The following RAD51C variants were observed in gnomAD, a reference collection of about 807,000 sequenced individuals.
RAD51C encodes the protein DNA repair protein RAD51 homolog 3.
A neutral mutation model predicts 45.0 loss-of-function variants in RAD51C; 42 were observed. The observed-to-expected ratio is 0.93, with a 90% CI of 0.73 to 1.21. The LOEUF is 1.21. Among genes scored for constraint, RAD51C ranks in the 50% most tolerant of loss-of-function variants. The pLI, the probability that RAD51C is intolerant of heterozygous loss-of-function variation, is 0.00. For synonymous variants in RAD51C, 172 were observed against 159.8 expected (o/e 1.08, Z -0.58); for missense variants, 474 against 452.2 (o/e 1.05, Z -0.44).
At chr17:58,730,476 C>CAAAAAGCAGTCTTAAAGGTTTTTGT in intron 7 of RAD51C, among the ~76,000 whole-genome samples, 1 of 152,156 alleles carries the variant, frequency 6.6e-6, no homozygotes, top group East Asian at 1.9e-4. Context: ...CGCACCCAGC[C>CAAAAAGCAGTCTTAAAGGTTTTTGT]TCAACATAGC....
chr17:58,705,359 G>A (rs1004350180), intron 4 of RAD51C, among the ~76,000 whole-genome samples: 2 of 150,448 alleles, frequency 1.3e-5, no homozygotes, highest in African/African-American at 4.9e-5. Flanking sequence ...GGGGGGTGGA[G>A]TTTCGCTTTT....
chr17:58,711,161 G>A (rs1193245669), intron 5 of RAD51C, among the ~76,000 whole-genome samples: 2 of 152,112 alleles, frequency 1.3e-5, no homozygotes, highest in East Asian at 3.9e-4. Flanking sequence ...CCAGTAGGGG[G>A]CACTCAAGAC....
intron 7 of RAD51C, among the ~76,000 whole-genome samples, chr17:58,729,565 C>CT (rs1487185210): frequency 1.4e-5 from 2 of 147,504 alleles, no homozygotes; most frequent in East Asian, 2.1e-4. Context: ...CTTTAGGATT[C>CT]TTTTTTTGTT....
rs1301191938 is a variant in RAD51C, at chr17:58,726,418, A to G, written c.965+2318A>G. Among the ~76,000 whole-genome samples the G allele has an allele frequency of 5.4e-5, 8 of 149,188 alleles. No individual in the cohort carries two copies. In the East Asian group the frequency reaches 7.8e-4, roughly 15 times the overall value. On this transcript the variant is annotated intron_variant, in intron 7 of 8. Transcript: ENST00000337432. The stretch of plus-strand genomic sequence containing the variant: ...GTATATATGTGTATATATATAGATT[A>G]TATGTATATATGTGTATACGTATAG...
rs1555593777 is a variant in RAD51C, at chr17:58,695,127, A to G, written c.342A>G (p.Gly114=). 6.2e-7 allele frequency: 1 copy of G among 1,614,088 alleles called. No homozygotes were observed. The highest frequency in any genetic ancestry group is 8.5e-7 in the Non-Finnish European group (1 of 1,180,018). The change falls in exon 2 of 9, where the codon GGA becomes GGG. Residue 114 remains glycine (G), a synonymous_variant. Transcript: ENST00000337432. ...CSALDDILGG[G]VPLMKTTEIC... ...CACTAGATGATATTCTTGGGGGTGG[A>G]GTGCCCTTAATGAAAACAACAGAAA...
chr17:58,731,258 GTT>G (rs77247264), intron 7 of RAD51C, among the ~76,000 whole-genome samples: 11 of 135,170 alleles, frequency 8.1e-5, no homozygotes, highest in African/African-American at 2.2e-4. Flanking sequence ...CTTAAAAGCA[GTT>G]TTTTTTTTTT....
At chr17:58,707,827 G>A (rs2143835758) in intron 4 of RAD51C, among the ~76,000 whole-genome samples, 1 of 152,248 alleles carries the variant, frequency 6.6e-6, no homozygotes, top group Admixed American at 6.5e-5. Flanking sequence ...GGTTCTGGCT[G>A]ATTGGTCTCT....
chr17:58,733,743 A>T (rs888982145), intron 8 of RAD51C, among the ~76,000 whole-genome samples: 2 of 152,072 alleles, frequency 1.3e-5, no homozygotes, highest in Non-Finnish European at 2.9e-5. Flanking sequence ...TTTTGAGACG[A>T]AGTCTCACTA....
chr17:58,695,216 G>C, intron 2 of RAD51C, 27 bp downstream of exon 2: 1 of 1,598,466 alleles, frequency 6.3e-7, no homozygotes, highest in Non-Finnish European at 8.5e-7. Context: ...TCCTTTTAAG[G>C]GTGGGTTTAA....
intron 6 of RAD51C, among the ~76,000 whole-genome samples, chr17:58,721,980 A>G (rs1425458564): frequency 5.9e-5 from 9 of 152,110 alleles, no homozygotes; most frequent in African/African-American, 1.7e-4. Context: ...GTCATTTTCT[A>G]TCACCCACTT....
At chr17:58,716,664 A>G (rs1432149934) in intron 5 of RAD51C, among the ~76,000 whole-genome samples, 1 of 150,608 alleles carries the variant, frequency 6.6e-6, no homozygotes, top group Admixed American at 6.7e-5. Flanking sequence ...GGGTTTCACC[A>G]TGTTAGCCAG....
chr17:58,733,062 C>G (rs972704322), intron 8 of RAD51C, among the ~76,000 whole-genome samples: 2 of 152,132 alleles, frequency 1.3e-5, no homozygotes, highest in Non-Finnish European at 2.9e-5. Flanking sequence ...GTCGCCCAGG[C>G]TGGAGTGCAG....
chr17:58,725,998 CAAAAAAA>C (rs1329097091), intron 7 of RAD51C, among the ~76,000 whole-genome samples: 1 of 48,570 alleles, frequency 2.1e-5, no homozygotes, highest in Non-Finnish European at 4.4e-5. Context: ...CCACCCCCTG[CAAAAAAA>C]AAAAAAAAAA....
At chr17:58,728,694 G>A (rs1034280172) in intron 7 of RAD51C, among the ~76,000 whole-genome samples, 2 of 152,056 alleles carry the variant, frequency 1.3e-5, no homozygotes, top group Non-Finnish European at 1.5e-5. Flanking sequence ...CACAGCACCC[G>A]TCCAGAAACT....
intron 3 of RAD51C, among the ~76,000 whole-genome samples, chr17:58,698,832 G>T (rs2048110224): frequency 6.7e-6 from 1 of 149,914 alleles, no homozygotes; most frequent in Non-Finnish European, 1.5e-5. Flanking sequence ...TGAGGCAGGA[G>T]AATCGCTTGA....
intron 5 of RAD51C, among the ~76,000 whole-genome samples, chr17:58,715,931 T>C (rs900094964): frequency 6.6e-6 from 1 of 151,958 alleles, no homozygotes; most frequent in African/African-American, 2.4e-5. Flanking sequence ...ATGGTGAAAC[T>C]CTGTCTTTAC....
At chr17:58,713,023 G>A (rs904695254) in intron 5 of RAD51C, among the ~76,000 whole-genome samples, 2 of 151,940 alleles carry the variant, frequency 1.3e-5, no homozygotes, top group African/African-American at 2.4e-5. Context: ...CTACTTAAGC[G>A]GCTGAGGTGG....
intron 3 of RAD51C, among the ~76,000 whole-genome samples, chr17:58,698,742 G>A (rs2048107568): frequency 6.6e-6 from 1 of 151,198 alleles, no homozygotes; most frequent in South Asian, 2.1e-4. Flanking sequence ...GAGCCATGGC[G>A]AAACCCCGTC....
intron 7 of RAD51C, 65 bp downstream of exon 7, chr17:58,724,165 G>A (rs1033193568): frequency 1.0e-5 from 15 of 1,485,318 alleles, no homozygotes; most frequent in Non-Finnish European, 1.4e-5. Context: ...AACACTTACA[G>A]GTTTCTTAGA....
Sources: allele counts gnomAD v4.1 joint callset (sites outside exome capture counted in the v4.1 genomes callset), GRCh38; gene constraint gnomAD v4.1.1; transcripts MANE v1.5; gene names NCBI Gene and HGNC (gene_info 2026-07-23, HGNC 2026-07-21).